MIAT: variants seen among roughly 807,000 people sequenced by gnomAD.
MIAT encodes the protein MI related novel mRNA.
chr22:26,670,038 T>G (rs529979363), downstream of MIAT: 10 of 396,018 alleles, frequency 2.5e-5, no homozygotes, highest in South Asian at 2.6e-4. Flanking sequence ...TCTGGGAGTA[T>G]AGACTTAGGG....
At chr22:26,669,633 A>C (rs1930973103) in exon 6 of MIAT, 1 of 398,578 alleles carries the variant, frequency 2.5e-6, no homozygotes, top group Non-Finnish European at 4.4e-6. Flanking sequence ...GACACCATTC[A>C]GTTCTTAACA....
exon 5 of MIAT, chr22:26,675,792 G>A: frequency 2.5e-6 from 1 of 398,674 alleles, no homozygotes; most frequent in East Asian, 3.6e-5. Context: ...GCTGCAAGGG[G>A]CAGATACAAG....
chr22:26,661,711 T>C (rs1345754438), intron 2 of MIAT, among the ~76,000 whole-genome samples: 6 of 151,874 alleles, frequency 4.0e-5, no homozygotes, highest in East Asian at 3.9e-4. Context: ...ACTACTACAC[T>C]ATGCCACTCT....
At chr22:26,647,114 T>G (rs1930246823) in intron 1 of MIAT, 1 of 398,314 alleles carries the variant, frequency 2.5e-6, no homozygotes, top group African/African-American at 2.1e-5. Flanking sequence ...ATGGCTGTAT[T>G]GAAACGGAGA....
exon 5 of MIAT, chr22:26,676,379 C>T: frequency 2.5e-6 from 1 of 398,626 alleles, no homozygotes. Context: ...TACATGGATT[C>T]AACAAAGGAG....
intron 2 of MIAT, among the ~76,000 whole-genome samples, chr22:26,659,293 T>C (rs1327587217): frequency 6.6e-6 from 1 of 152,184 alleles, no homozygotes; most frequent in Non-Finnish European, 1.5e-5. Flanking sequence ...GGCATTGAAT[T>C]GATCCCACTC....
At chr22:26,673,594 C>T (rs6005127), downstream of MIAT, 106,788 of 398,434 alleles carry the variant, frequency 0.27, 14,710 homozygotes, top group African/African-American at 0.35. Context: ...TAACATTCCT[C>T]GTTACTGTTA....
downstream of MIAT, chr22:26,671,465 C>G (rs1931044079): frequency 2.5e-6 from 1 of 398,790 alleles, no homozygotes; most frequent in African/African-American, 2.1e-5. Context: ...TGACGAGGTG[C>G]CTGGCCTTCT....
At chr22:26,665,275 G>GAAAGAAAGAAAGAAAGAA (rs1569221729) in intron 3 of MIAT, among the ~76,000 whole-genome samples, 1 of 143,578 alleles carries the variant, frequency 7.0e-6, no homozygotes, top group Non-Finnish European at 1.5e-5. Context: ...AAGAAAGAAA[G>GAAAGAAAGAAAGAAAGAA]AAAGAAAGAA....
intron 3 of MIAT, among the ~76,000 whole-genome samples, chr22:26,663,760 C>T (rs73163286): frequency 1.3e-5 from 2 of 152,014 alleles, no homozygotes; most frequent in African/African-American, 4.8e-5. Context: ...AGGAAATGCA[C>T]CCGTTTAAAG....
downstream of MIAT, chr22:26,670,618 A>AAAAG (rs1931011550): frequency 1.5e-5 from 6 of 395,094 alleles, no homozygotes; most frequent in South Asian, 5.1e-4. Context: ...AAAAAAAAAA[A>AAAAG]AAAAAAAAGC....
chr22:26,665,283 G>GAA (rs760712863), intron 3 of MIAT, among the ~76,000 whole-genome samples: 4 of 112,260 alleles, frequency 3.6e-5, no homozygotes, highest in Non-Finnish European at 8.0e-5. Flanking sequence ...AAGAAAGAAA[G>GAA]AAAGAAAAAC....
downstream of MIAT, chr22:26,669,752 G>C (rs901094469): frequency 5.0e-6 from 2 of 398,870 alleles, no homozygotes; most frequent in Non-Finnish European, 8.8e-6. Flanking sequence ...CAGACACGGA[G>C]AGTGGCAGGT....
chr22:26,663,165 C>T (rs1465413691), intron 2 of MIAT, among the ~76,000 whole-genome samples: 1 of 151,826 alleles, frequency 6.6e-6, no homozygotes, highest in Non-Finnish European at 1.5e-5. Flanking sequence ...AAAATACCTC[C>T]TTGTTTCCTG....
chr22:26,658,132 C>G (rs975808293), intron 2 of MIAT: 1 of 127,536 alleles, frequency 7.8e-6, no homozygotes, highest in South Asian at 2.6e-4. Context: ...CCCTCATACT[C>G]AGCCCGCCCC....
In MIAT at chr22:26,660,138, A is replaced by G. The variant is rs532579238; in HGVS notation, n.647-3178A>G. ...GGCGTGAGCCCCCACACCTGACCTGAAAACTTCATTTTCATGTATTTCTCT... is the reference window on the plus strand; with the variant it reads ...GGCGTGAGCCCCCACACCTGACCTGGAAACTTCATTTTCATGTATTTCTCT... On this transcript the variant is annotated intron_variant and non_coding_transcript_variant, in intron 2 of 5. Transcript: ENST00000643270. Among the ~76,000 whole-genome samples the G allele has an allele frequency of 1.3e-4, 20 of 151,604 alleles. No homozygotes were observed. In the East Asian group the frequency reaches 3.9e-3, roughly 30 times the overall value.
intron 2 of MIAT, among the ~76,000 whole-genome samples, chr22:26,648,038 G>C (rs1343127687): frequency 6.6e-6 from 1 of 152,116 alleles, no homozygotes; most frequent in African/African-American, 2.4e-5. Flanking sequence ...AAAAAGATGA[G>C]ACTCATCTCC....
downstream of MIAT, chr22:26,670,602 TAAAAAAAAAA>T (rs34401113): frequency 9.3e-5 from 29 of 310,482 alleles, no homozygotes; most frequent in African/African-American, 7.9e-4. Context: ...CATTGCTCCT[TAAAAAAAAAA>T]AAAAAAAAAA....
downstream of MIAT, chr22:26,671,525 C>G (rs1466520086): frequency 2.5e-6 from 1 of 398,318 alleles, no homozygotes; most frequent in Non-Finnish European, 4.4e-6. Flanking sequence ...TACTAACCAC[C>G]CCCCCGCAGC....
Sources: gnomAD v4.1 joint callset for allele counts (sites outside exome capture counted in the v4.1 genomes callset) on GRCh38, gnomAD v4.1.1 for gene constraint, MANE v1.5 for transcripts, NCBI Gene and HGNC (gene_info 2026-07-23, HGNC 2026-07-21) for gene names.